ZFHX3: variants seen among roughly 807,000 people sequenced by gnomAD.
The protein encoded by ZFHX3 is zinc finger homeobox protein 3.
Under a neutral mutation model 279.1 loss-of-function variants are expected in ZFHX3, and 42 were observed. That is an observed-to-expected ratio of 0.15 (90% confidence interval 0.12 to 0.19). The LOEUF is 0.19. Among genes scored for constraint, ZFHX3 ranks in the 10% least tolerant of loss-of-function variants. The probability of loss-of-function intolerance (pLI) is 1.00; values close to 1 mark genes in which losing one functional copy is unlikely to be tolerated. For missense variants in ZFHX3, 4,981 were observed against 4,754.0 expected (o/e 1.05, Z -1.40); for synonymous variants, 2,293 against 1,957.8 (o/e 1.17, Z -4.52).
chr16:73,393,167 A>G (rs1333919849), intron 3 of ZFHX3, among the ~76,000 whole-genome samples: 1 of 152,168 alleles, frequency 6.6e-6, no homozygotes, highest in Non-Finnish European at 1.5e-5. Flanking sequence ...ACAGCTCAGC[A>G]TGGCTGGCTG....
intron 2 of ZFHX3, among the ~76,000 whole-genome samples, chr16:73,572,058 C>A (rs963710238): frequency 6.6e-6 from 1 of 151,808 alleles, no homozygotes; most frequent in Non-Finnish European, 1.5e-5. Context: ...TTAACACAAG[C>A]CTCTCTTAAC....
At chr16:73,700,378 T>C (rs2053235834) in intron 1 of ZFHX3, among the ~76,000 whole-genome samples, 1 of 152,202 alleles carries the variant, frequency 6.6e-6, no homozygotes, top group African/African-American at 2.4e-5. Flanking sequence ...CAAACCTTAA[T>C]AGGGCTTTGC....
intron 2 of ZFHX3, among the ~76,000 whole-genome samples, chr16:73,671,875 C>G (rs907451742): frequency 7.2e-5 from 11 of 152,116 alleles, no homozygotes; most frequent in African/African-American, 2.4e-4. Flanking sequence ...CATACATTAA[C>G]CTATATACAT....
At chr16:73,739,782 G>A (rs1016585053) in intron 1 of ZFHX3, among the ~76,000 whole-genome samples, 4 of 152,180 alleles carry the variant, frequency 2.6e-5, no homozygotes, top group African/African-American at 4.8e-5. Context: ...TCCAGGCCGT[G>A]ATAAGGCCCA....
chr16:73,454,697 T>TC (rs1349709420), intron 3 of ZFHX3, among the ~76,000 whole-genome samples: 1 of 151,742 alleles, frequency 6.6e-6, no homozygotes. Context: ...CACCCCCCTC[T>TC]CCCCCACCCA....
At chr16:73,228,356 T>C (rs1418874195) in intron 5 of ZFHX3, among the ~76,000 whole-genome samples, 3 of 152,218 alleles carry the variant, frequency 2.0e-5, no homozygotes, top group Non-Finnish European at 4.4e-5. Context: ...AAGTTTACTC[T>C]TAAAATGAGT....
chr16:72,949,770 AC>A (rs34423321), intron 3 of ZFHX3, among the ~76,000 whole-genome samples: 2,154 of 150,770 alleles, frequency 0.014, 61 homozygotes, highest in African/African-American at 0.049. Context: ...GAAAAAAAAA[AC>A]ACACAAAGGA....
intron 2 of ZFHX3, among the ~76,000 whole-genome samples, chr16:73,553,910 G>A (rs1042573949): frequency 6.6e-5 from 10 of 152,168 alleles, no homozygotes; most frequent in African/African-American, 1.9e-4. Context: ...AATGCTTAAT[G>A]TGAGTTTTCA....
intron 2 of ZFHX3, among the ~76,000 whole-genome samples, chr16:73,615,187 G>A (rs1312362069): frequency 2.6e-5 from 4 of 151,678 alleles, no homozygotes; most frequent in Admixed American, 1.3e-4. Context: ...GCCCCGGGCA[G>A]GAGTTTAGCC....
At chr16:73,746,496 A>G (rs1353921190) in intron 1 of ZFHX3, among the ~76,000 whole-genome samples, 3 of 152,234 alleles carry the variant, frequency 2.0e-5, no homozygotes, top group African/African-American at 7.2e-5. Context: ...ATACAGAGTC[A>G]TCTTCCAGGG....
intron 5 of ZFHX3, among the ~76,000 whole-genome samples, chr16:73,205,704 G>T (rs1451696258): frequency 1.3e-5 from 2 of 152,138 alleles, no homozygotes; most frequent in Non-Finnish European, 2.9e-5. Context: ...TTCAATTCAA[G>T]ATTAGGAAAG....
Position 72,958,020 on chromosome 16 carries a change from G to A in ZFHX3, c.2126C>T (p.Pro709Leu), listed in dbSNP as rs371945270. 4 of 1,606,710 alleles carry A rather than the reference G, an allele frequency of 2.5e-6. No individual in the cohort carries two copies. The highest frequency in any genetic ancestry group is 1.4e-5 in the African/African-American group (1 of 73,156). The change falls in exon 2 of 10, where the codon CCC (proline) becomes CTC (leucine). Residue 709 changes from proline to leucine, a missense_variant. Around this residue, in one of 7 missense-constraint regions of ZFHX3, gnomAD observed 39 missense variants for 68.2 expected, o/e 0.57. Transcript: ENST00000268489. ...CTCGCCTCGTGCCAGCCGGGGGTGG[G>A]GCTGCCCGCTTTTGCAGTAGACACA... ...GSCVYCKSGQ[P>L]HPRLARGESY...
intron 3 of ZFHX3, among the ~76,000 whole-genome samples, chr16:72,931,572 A>C (rs1044780175): frequency 2.0e-5 from 3 of 152,030 alleles, no homozygotes; most frequent in African/African-American, 7.2e-5. Flanking sequence ...CATTTAAAAA[A>C]AAAAAAAAAA....
chr16:72,958,454 C>G lies in ZFHX3; in HGVS notation c.1692G>C (p.Ala564=). Residue 564 remains alanine (A), a synonymous_variant, in exon 2 of 10, where the codon GCG becomes GCC. Transcript: ENST00000268489. ...TAAAGCTTAAACGATTCCTCCTGTT[C>G]GCACCATCAAAGACAACAAAGGAAG... ...SASSFVVFDG[A]NRRNRLSFNS... 1 of 1,614,126 alleles carries G rather than the reference C, an allele frequency of 6.2e-7. No individual in the cohort carries two copies. Among genetic ancestry groups the G allele is most frequent in the Non-Finnish European group, 8.5e-7 (1 of 1,180,042 alleles).
intron 4 of ZFHX3, among the ~76,000 whole-genome samples, chr16:73,272,450 C>T (rs7190347): frequency 0.6 from 91,723 of 151,928 alleles, 28,227 homozygotes; most frequent in African/African-American, 0.73. Flanking sequence ...TAACTCCTGA[C>T]GCAAACTTGT....
At chr16:73,290,015 CCACACACA>C (rs10564390) in intron 4 of ZFHX3, among the ~76,000 whole-genome samples, 8,726 of 144,218 alleles carry the variant, frequency 0.061, 686 homozygotes, top group African/African-American at 0.19. Flanking sequence ...AGAGAAATAA[CCACACACA>C]CACACACACA....
At chr16:73,575,957 T>C (rs825684) in intron 2 of ZFHX3, among the ~76,000 whole-genome samples, 78,620 of 151,996 alleles carry the variant, frequency 0.52, 22,678 homozygotes, top group African/African-American at 0.79. Flanking sequence ...ACACACAAAA[T>C]GGATTTTCAG....
At chr16:73,248,666 C>T (rs1056915363) in intron 5 of ZFHX3, among the ~76,000 whole-genome samples, 36 of 115,780 alleles carry the variant, frequency 3.1e-4, no homozygotes, top group African/African-American at 1.3e-3. Flanking sequence ...TGTGTGTGTG[C>T]ACGTGCACGT....
In ZFHX3 at chr16:73,454,537, T is replaced by C. The variant is rs1321566918; in HGVS notation, c.-1291+1466A>G. On this transcript the variant is annotated intron_variant, in intron 3 of 17. Transcript: ENST00000641206. ...TTTGACTTAGGTTAGTTAGCAAAAA[T>C]GAGGCTCTGTTTCCTCACTCTCACA... Among the ~76,000 whole-genome samples the C allele has an allele frequency of 6.8e-5, 10 of 147,014 alleles. No homozygotes were observed. The Admixed American group carries it at 7.0e-4, about 10-fold the overall frequency.
Sources: allele counts gnomAD v4.1 joint callset (sites outside exome capture counted in the v4.1 genomes callset), GRCh38; gene constraint gnomAD v4.1.1; regional missense constraint gnomAD v4.1.1; transcripts MANE v1.5; gene names NCBI Gene and HGNC (gene_info 2026-07-23, HGNC 2026-07-21).